Variants in COL23A1 observed in about 807,000 individuals in gnomAD.
The protein encoded by COL23A1 is collagen type XXIII alpha 1 chain.
Under a neutral mutation model 99.3 loss-of-function variants are expected in COL23A1, and 97 were observed. The ratio of observed to expected loss-of-function variants is 0.98; its 90% confidence interval spans 0.83 to 1.16. The LOEUF is 1.16. Among genes scored for constraint, COL23A1 ranks in the 50% most tolerant of loss-of-function variants. The pLI, the probability that COL23A1 is intolerant of heterozygous loss-of-function variation, is 0.00. For synonymous variants in COL23A1, 320 were observed against 308.2 expected (o/e 1.04, Z -0.40); for missense variants, 762 against 757.4 (o/e 1.01, Z -0.07).
chr5:178,349,879 T>C (rs923206442), intron 2 of COL23A1, among the ~76,000 whole-genome samples: 2 of 151,954 alleles, frequency 1.3e-5, no homozygotes, highest in Non-Finnish European at 2.9e-5. Context: ...GGGGGACCTC[T>C]GGTACCTCCC....
chr5:178,267,356 G>C (rs758511311), intron 7 of COL23A1, 23 bp from the exon 8 acceptor site: 1 of 1,613,174 alleles, frequency 6.2e-7, no homozygotes, highest in Non-Finnish European at 8.5e-7. Context: ...GACAGGGAGA[G>C]GCATCACCAC....
At chr5:178,485,913 GGCA>G (rs1757603461) in intron 2 of COL23A1, among the ~76,000 whole-genome samples, 1 of 152,170 alleles carries the variant, frequency 6.6e-6, no homozygotes, top group African/African-American at 2.4e-5. Context: ...CATTGTGTTG[GGCA>G]GCAGTGGTGG....
chr5:178,374,953 C>T (rs760288559), intron 2 of COL23A1, among the ~76,000 whole-genome samples: 2 of 152,082 alleles, frequency 1.3e-5, no homozygotes, highest in Non-Finnish European at 2.9e-5. Flanking sequence ...AAACATATAT[C>T]CAGAAAAAGT....
At chr5:178,418,654 G>A (rs1402585531) in intron 2 of COL23A1, among the ~76,000 whole-genome samples, 1 of 149,952 alleles carries the variant, frequency 6.7e-6, no homozygotes, top group African/African-American at 2.5e-5. Context: ...GACCCACGCT[G>A]TGGAGCCTAA....
At chr5:178,413,050 G>A (rs1056231003) in intron 2 of COL23A1, among the ~76,000 whole-genome samples, 7 of 152,000 alleles carry the variant, frequency 4.6e-5, no homozygotes, top group Middle Eastern at 3.2e-3. Context: ...GGGCATACTG[G>A]TGTCTGCCTG....
At position 178,589,911 on chromosome 5, in the gene COL23A1, A is replaced by G; in HGVS notation, c.287T>C (p.Leu96Pro). 1 of 1,315,050 alleles carries G rather than the reference A, an allele frequency of 7.6e-7. No individual in the cohort carries two copies. Among genetic ancestry groups the G allele is most frequent in the Non-Finnish European group, 9.6e-7 (1 of 1,037,966 alleles). The allele number at this position is 1,315,050 out of a possible 1,614,324, so 81.5% of individuals were successfully genotyped here. A position where few individuals can be genotyped will look rare whatever the true frequency, so the allele number is the denominator to read the frequency against. ...ACGCGCCAAGACGCTCACCTCCCGC[A>G]GCAGGCGCTCCAGGTGCGGCTCGGC... ...AWAEPHLERL[L>P]REKLDGLAKI... Residue 96 changes from leucine (L) to proline (P), a missense_variant, in exon 1 of 29, where the codon CTG becomes CCG. By Grantham distance (98) the Leu-to-Pro change is moderately conservative. Coordinates refer to ENST00000390654, the MANE Select transcript of COL23A1 (RefSeq NM_173465.4). The surrounding 1 kb of genome is among the most constrained non-coding windows in gnomAD (Gnocchi z 5.4).
At chr5:178,517,034 G>T (rs1271491557) in intron 2 of COL23A1, among the ~76,000 whole-genome samples, 2 of 152,134 alleles carry the variant, frequency 1.3e-5, no homozygotes, top group Non-Finnish European at 2.9e-5. Flanking sequence ...AGTGGGGACG[G>T]GGCCTCCAGG....
At chr5:178,351,730 T>C (rs1432828136) in intron 2 of COL23A1, among the ~76,000 whole-genome samples, 2 of 152,156 alleles carry the variant, frequency 1.3e-5, no homozygotes, top group Non-Finnish European at 2.9e-5. Context: ...TTCCAGGCTG[T>C]TTGGGACTAA....
chr5:178,579,862 C>T (rs1288176368), intron 1 of COL23A1, among the ~76,000 whole-genome samples: 4 of 152,212 alleles, frequency 2.6e-5, no homozygotes, highest in Non-Finnish European at 5.9e-5. Flanking sequence ...TTGTTTCCAC[C>T]AGGTCTGCCA....
intron 2 of COL23A1, among the ~76,000 whole-genome samples, chr5:178,539,585 G>A (rs594450): frequency 0.45 from 65,547 of 146,244 alleles, 15,945 homozygotes; most frequent in African/African-American, 0.65. Flanking sequence ...GAAAGAAAGG[G>A]AAAAAAAAGA....
intron 2 of COL23A1, among the ~76,000 whole-genome samples, chr5:178,334,379 A>C (rs547783369): frequency 6.6e-6 from 1 of 152,390 alleles, no homozygotes; most frequent in African/African-American, 2.4e-5. Flanking sequence ...TTTTGCCGAA[A>C]GAAATGATTT....
rs1260022177 is a variant in COL23A1 at position 178,309,142 on chromosome 5, G to C, written c.362-2223C>G. Among the ~76,000 whole-genome samples the C allele has an allele frequency of 2.0e-5, 3 of 152,244 alleles. No individual in the cohort carries two copies. Among genetic ancestry groups the C allele is most frequent in the Non-Finnish European group, 4.4e-5 (3 of 68,040 alleles). On this transcript the variant is annotated intron_variant, in intron 2 of 28. Transcript: ENST00000390654. This position sits in a 1 kb window ranked among gnomAD's most constrained non-coding sequence, Gnocchi z 4.7. ...TGATGGGAATCACTGGGTACGACTA[G>C]GAAGTTCTCCGTCTGGGTAACTGAA... is the stretch of plus-strand genomic sequence containing the variant.
intron 2 of COL23A1, among the ~76,000 whole-genome samples, chr5:178,515,330 C>A (rs547858956): frequency 6.6e-6 from 1 of 152,220 alleles, no homozygotes; most frequent in African/African-American, 2.4e-5. Flanking sequence ...CCCCAGGAAG[C>A]GGTGAGTGTT....
intron 3 of COL23A1, 74 bp from the exon 4 acceptor site, chr5:178,290,443 C>T (rs779441238): frequency 4.8e-5 from 76 of 1,590,562 alleles, no homozygotes; most frequent in Non-Finnish European, 6.3e-5. Flanking sequence ...AGCACGGTCC[C>T]CTCACCTGTC....
intron 5 of COL23A1, among the ~76,000 whole-genome samples, 186 bp from the exon 6 acceptor site, chr5:178,270,549 A>G (rs1178467246): frequency 6.6e-6 from 1 of 152,018 alleles, no homozygotes; most frequent in Admixed American, 6.6e-5. Flanking sequence ...GCTGCCCAGA[A>G]TCCCCTCCTC....
intron 2 of COL23A1, among the ~76,000 whole-genome samples, chr5:178,390,470 C>T (rs1420205972): frequency 2.0e-5 from 3 of 152,160 alleles, no homozygotes; most frequent in Non-Finnish European, 1.5e-5. Context: ...TCCCGAGGGT[C>T]CCCTGGCACA....
In COL23A1 at chr5:178,252,533, T is replaced by G; in HGVS notation, c.1014+11A>C. On this transcript the variant is annotated intron_variant, in intron 17 of 28. Transcript: ENST00000390654. ...ATGCTTGGGGGACCACATAGCTGCA[T>G]CTGCACTGACCTTGGCTCCAGGGAT... 1 of 1,610,344 alleles carries G rather than the reference T, an allele frequency of 6.2e-7. No individual in the cohort carries two copies. Among genetic ancestry groups the G allele is most frequent in the Non-Finnish European group, 8.5e-7 (1 of 1,178,350 alleles).
chr5:178,575,052 G>A (rs1393384606), intron 1 of COL23A1, among the ~76,000 whole-genome samples: 1 of 152,122 alleles, frequency 6.6e-6, no homozygotes, highest in Non-Finnish European at 1.5e-5. Flanking sequence ...GGACAGCTCC[G>A]CACAGCTCCC....
At chr5:178,348,194 C>T (rs1761098934) in intron 2 of COL23A1, among the ~76,000 whole-genome samples, 1 of 152,138 alleles carries the variant, frequency 6.6e-6, no homozygotes, top group African/African-American at 2.4e-5. Flanking sequence ...CCACCTGCCG[C>T]CCAGGGCTTG....
Sources: gnomAD v4.1 joint callset for allele counts (sites outside exome capture counted in the v4.1 genomes callset) on GRCh38, gnomAD v4.1.1 for gene constraint, Gnocchi (gnomAD v3.1) non-coding constraint, MANE v1.5 for transcripts, NCBI Gene and HGNC (gene_info 2026-07-23, HGNC 2026-07-21) for gene names.